Variants in ERMAP observed in about 807,000 individuals in gnomAD.
ERMAP encodes the protein erythroid membrane-associated protein.
Under a neutral mutation model 49.5 loss-of-function variants are expected in ERMAP, and 34 were observed. That is an observed-to-expected ratio of 0.69 (90% confidence interval 0.52 to 0.91). The LOEUF (loss-of-function observed/expected upper bound fraction) is 0.91, where lower values mean the gene tolerates loss of function less well. Among genes scored for constraint, ERMAP ranks in the 40% least tolerant of loss-of-function variants. ERMAP has a pLI of 0.00. For missense variants in ERMAP, 541 were observed against 582.6 expected (o/e 0.93, Z 0.74); for synonymous variants, 214 against 232.2 (o/e 0.92, Z 0.71).
chr1:42,842,753 A>C lies in ERMAP; in HGVS notation c.949A>C (p.Lys317Gln). ...AGTATGTAGTGAGTCAGTGAGCAGG[A>C]AGGGGAAGGTTACTGCCTCACCTGC... ...LGVCSESVSR[K>Q]GKVTASPANG... The change falls in exon 12 of 12, where the codon AAG becomes CAG. Residue 317 changes from lysine (K) to glutamine (Q), a missense_variant. By Grantham distance (53) the Lys-to-Gln change is moderately conservative. Coordinates refer to ENST00000372517, the MANE Select transcript of ERMAP (RefSeq NM_001017922.2). The C allele has an allele frequency of 1.2e-6, 2 of 1,614,160 alleles. No individual in the cohort carries two copies. The highest frequency in any genetic ancestry group is 1.7e-6 in the Non-Finnish European group (2 of 1,180,026).
intron 10 of ERMAP, 43 bp downstream of exon 10, chr1:42,840,221 G>A (rs755379983): frequency 6.2e-7 from 1 of 1,614,162 alleles, no homozygotes; most frequent in East Asian, 2.2e-5. Flanking sequence ...CCCTACAGGA[G>A]TTCTTGATGT....
At position 42,817,239 on chromosome 1, in the gene ERMAP, AACG is replaced by A. The variant is rs1654248311; in HGVS notation, c.-135_-133del. ...TTGGAGCCTCCGCCGAGTCGCAGAC[AACG>A]CCTCCGGGAGGGTAATCCTCGCCTT... On this transcript the variant is annotated 5_prime_UTR_variant, in exon 1 of 12. Coordinates refer to ENST00000372517, the MANE Select transcript of ERMAP (RefSeq NM_001017922.2). The A allele has an allele frequency of 8.0e-7, 1 of 1,255,042 alleles. No individual in the cohort carries two copies. Among genetic ancestry groups the A allele is most frequent in the Admixed American group, 2.5e-5 (1 of 39,224 alleles). The allele number at this position is 1,255,042 out of a possible 1,614,324, so 77.7% of individuals were successfully genotyped here.
chr1:42,817,424 G>T, intron 1 of ERMAP, 171 bp downstream of exon 1: 1 of 263,422 alleles, frequency 3.8e-6, no homozygotes, highest in Non-Finnish European at 6.4e-6. Context: ...CCCGCGTAGA[G>T]GGCGGGGCGG....
chr1:42,830,029 C>G (rs1053166031), intron 2 of ERMAP: 1 of 167,156 alleles, frequency 6.0e-6, no homozygotes, highest in Non-Finnish European at 1.3e-5. Flanking sequence ...AGGCATTTCC[C>G]AAGCCTGGCC....
In ERMAP at chr1:42,830,855, C is replaced by T. The variant is rs556539598; in HGVS notation, c.173C>T (p.Thr58Met). 1.1e-4 allele frequency: 174 copies of T among 1,609,284 alleles called. 2 individuals are homozygous for T. In the South Asian group the frequency reaches 1.7e-3, roughly 15 times the overall value. The change falls in exon 4 of 12, where the codon ACG (threonine) becomes ATG (methionine). Residue 58 changes from threonine to methionine, a missense_variant. By Grantham distance (81) the Thr-to-Met change is moderately conservative. Transcript: ENST00000372517. ...TGCCCTCTCTCCCTCTGGCCCGGGACGGTACCCAAGGAGGTGAGGTGGCTG... is the reference window on the plus strand; with the variant it reads ...TGCCCTCTCTCCCTCTGGCCCGGGATGGTACCCAAGGAGGTGAGGTGGCTG... Reference protein sequence around the residue: ...LLCPLSLWPGTVPKEVRWLRS... With the variant: ...LLCPLSLWPGMVPKEVRWLRS...
In ERMAP at chr1:42,819,228, C is replaced by T. The variant is rs75488140; in HGVS notation, c.-122+1975C>T. 6.8e-5 allele frequency among the ~76,000 whole-genome samples: 10 copies of T among 146,488 alleles called. No individual in the cohort carries two copies. The highest frequency in any genetic ancestry group is 2.0e-4 in the East Asian group (1 of 4,916). On this transcript the variant is annotated intron_variant, in intron 1 of 11. Transcript: ENST00000372517. The surrounding 1 kb of genome is among the most constrained non-coding windows in gnomAD (Gnocchi z 5.1). ...GTGTGCGCGCGCGCAAGAGAGGGAC[C>T]GAGAGAGAGAAAGAGCTAGATTACG... is the stretch of plus-strand genomic sequence containing the variant.
intron 1 of ERMAP, among the ~76,000 whole-genome samples, chr1:42,822,249 TC>T (rs1415592921): frequency 6.6e-6 from 1 of 152,002 alleles, no homozygotes; most frequent in Non-Finnish European, 1.5e-5. Context: ...GGTGGTGTGA[TC>T]TCAGCTCACT....
chr1:42,818,381 G>A (rs6678526), intron 1 of ERMAP, among the ~76,000 whole-genome samples: 4 of 152,042 alleles, frequency 2.6e-5, no homozygotes, highest in Non-Finnish European at 5.9e-5. Context: ...GTGGCTAGGA[G>A]AGAGGGAAAA....
chr1:42,831,529 T>C (rs1415853392), intron 4 of ERMAP, among the ~76,000 whole-genome samples: 1 of 148,110 alleles, frequency 6.8e-6, no homozygotes, highest in African/African-American at 2.5e-5. Context: ...CCTGAGAAAG[T>C]AAAGGGTTAG....
chr1:42,833,494 A>T (rs887685439), intron 4 of ERMAP, among the ~76,000 whole-genome samples: 2 of 152,152 alleles, frequency 1.3e-5, no homozygotes, highest in African/African-American at 4.8e-5. Context: ...AAGTAATATG[A>T]TTTTAAGGGC....
rs532943062 is a variant in ERMAP at position 42,825,441 on chromosome 1, A to G, written c.-121-182A>G. Reference sequence around the variant, plus strand: ...ACGTGCCTCCTACCCGGTCAGTCATACTCAGTGGTTCCCTCATTTTTGGGA... The same window carrying G: ...ACGTGCCTCCTACCCGGTCAGTCATGCTCAGTGGTTCCCTCATTTTTGGGA... On this transcript the variant is annotated intron_variant, in intron 1 of 11. Transcript: ENST00000372517. 91 of 1,148,854 alleles carry G rather than the reference A, an allele frequency of 7.9e-5. No homozygotes were observed. The African/African-American group carries it at 1.1e-3, about 13-fold the overall frequency. 71.2% of individuals were successfully genotyped at this position (1,148,854 alleles called of 1,614,324 possible). A position where few individuals can be genotyped will look rare whatever the true frequency, so the allele number is the denominator to read the frequency against.
At chr1:42,829,906 G>T in intron 2 of ERMAP, 1 of 154,782 alleles carries the variant, frequency 6.5e-6, no homozygotes. Flanking sequence ...AGTGCCTTCA[G>T]GATGACATGG....
Position 42,835,143 on chromosome 1 carries a change from GA to G in ERMAP, c.541del (p.Arg181GlufsTer11). 7.0e-7 allele frequency: 1 copy of G among 1,425,148 alleles called. No homozygotes were observed. 88.3% of individuals were successfully genotyped at this position (1,425,148 alleles called of 1,614,324 possible). ...TGCCTTTGCCTTATCTGGAAGCAAA[GA>G]AGAGCAAAAGGTAATTAAATGGTAA... ...MVCLCLIWKQ[R>X]RAKEKLLYEH... is the part of the protein sequence containing the mutation. On this transcript the variant is annotated frameshift_variant, in exon 5 of 12. Transcript: ENST00000372517. LOFTEE classifies it high-confidence loss of function.
chr1:42,831,571 T>TTTTCTC lies in ERMAP; in HGVS notation c.433+457_433+458insTTCTCT, dbSNP rs1553149742. Among the ~76,000 whole-genome samples, 64 of 79,872 alleles carry TTTTCTC rather than the reference T, an allele frequency of 8.0e-4. 2 individuals are homozygous for TTTTCTC. Among genetic ancestry groups the TTTTCTC allele is most frequent in the Middle Eastern group, 8.2e-3 (1 of 122 alleles). The allele number at this position is 79,872 out of a possible 152,430, so 52.4% of individuals were successfully genotyped here. On this transcript the variant is annotated intron_variant, in intron 4 of 11. Coordinates refer to ENST00000372517, the MANE Select transcript of ERMAP (RefSeq NM_001017922.2). Reference sequence around the variant, plus strand: ...AGAGATAGTGTTTTTTTTTTTTTTTTTCTCTTTTTTTTTTTTTTTTTTTTT... The same window carrying TTTTCTC: ...AGAGATAGTGTTTTTTTTTTTTTTTTTTTCTCTCTCTTTTTTTTTTTTTTTTTTTTT...
chr1:42,824,220 C>T (rs910652167), intron 1 of ERMAP, among the ~76,000 whole-genome samples: 6 of 151,272 alleles, frequency 4.0e-5, no homozygotes, highest in South Asian at 2.1e-4. Flanking sequence ...TGGTGGCGGG[C>T]GTCTGTAGTC....
At chr1:42,832,199 T>G (rs1654763579) in intron 4 of ERMAP, among the ~76,000 whole-genome samples, 1 of 108,094 alleles carries the variant, frequency 9.3e-6, no homozygotes, top group Non-Finnish European at 2.2e-5. Flanking sequence ...TTTTTTTTTT[T>G]TTTTTTTTTG....
intron 8 of ERMAP, chr1:42,839,414 C>T: frequency 6.0e-6 from 1 of 166,676 alleles, no homozygotes; most frequent in Non-Finnish European, 1.3e-5. Flanking sequence ...GAGTTTGTGA[C>T]CAGCCTGACA....
chr1:42,825,529 C>T, intron 1 of ERMAP, 94 bp from the exon 2 acceptor site: 1 of 1,202,754 alleles, frequency 8.3e-7, no homozygotes, highest in Non-Finnish European at 1.1e-6. Context: ...TGCTGGTTTA[C>T]AGGGACAGCG....
rs1192683340 is a variant in ERMAP at position 42,843,019 on chromosome 1, C to A, written c.1215C>A (p.Asn405Lys). ...CTTGCCTTCATGATGGAGGAAAAAA[C>A]ACAGCACCTCTAGTCATTTGTTCAG... ...FEPCLHDGGK[N>K]TAPLVICSEL... Residue 405 changes from asparagine (N) to lysine (K), a missense_variant, in exon 12 of 12, where the codon AAC becomes AAA. Asn to Lys is a moderately conservative substitution (Grantham distance 94). Transcript: ENST00000372517. 1 of 1,614,052 alleles carries A rather than the reference C, an allele frequency of 6.2e-7. No individual in the cohort carries two copies. The highest frequency in any genetic ancestry group is 2.2e-5 in the East Asian group (1 of 44,888).
Sources: allele counts gnomAD v4.1 joint callset (sites outside exome capture counted in the v4.1 genomes callset), GRCh38; gene constraint gnomAD v4.1.1; non-coding constraint Gnocchi (gnomAD v3.1); transcripts MANE v1.5; gene names NCBI Gene and HGNC (gene_info 2026-07-23, HGNC 2026-07-21).